Variants in PCDH9 observed in about 807,000 individuals in gnomAD.
PCDH9 encodes the protein protocadherin-9.
A neutral mutation model predicts 70.6 loss-of-function variants in PCDH9; 24 were observed. That is an observed-to-expected ratio of 0.34 (90% CI 0.25 to 0.48). The LOEUF is 0.48. Ranked by LOEUF, PCDH9 falls within the 20% of genes least tolerant of loss-of-function variation. The pLI is 0.99. For missense variants in PCDH9, 1,281 were observed against 1,503.6 expected (o/e 0.85, Z 2.45); for synonymous variants, 562 against 558.5 (o/e 1.01, Z -0.09).
intron 2 of PCDH9, among the ~76,000 whole-genome samples, chr13:67,028,069 G>T: frequency 6.6e-6 from 1 of 151,238 alleles, no homozygotes; most frequent in East Asian, 2.0e-4. Context: ...CCATTACTGA[G>T]TATATACCCA....
At chr13:66,514,082 A>T (rs1959616509) in intron 4 of PCDH9, among the ~76,000 whole-genome samples, 1 of 152,126 alleles carries the variant, frequency 6.6e-6, no homozygotes, top group Non-Finnish European at 1.5e-5. Flanking sequence ...ATGACTGGGT[A>T]GATGCAGACT....
intron 2 of PCDH9, chr13:67,220,056 A>T (rs2089690031): frequency 1.3e-5 from 2 of 151,826 alleles, no homozygotes; most frequent in Non-Finnish European, 2.9e-5. Flanking sequence ...TGGCCCTGAA[A>T]CCCTGTAAAC....
chr13:66,360,858 A>G (rs1437767835), intron 4 of PCDH9, among the ~76,000 whole-genome samples: 1 of 152,130 alleles, frequency 6.6e-6, no homozygotes, highest in Non-Finnish European at 1.5e-5. Flanking sequence ...CAGGAACTGA[A>G]TCTAAGCAAT....
chr13:66,467,273 G>A (rs775212320), intron 4 of PCDH9, among the ~76,000 whole-genome samples: 2 of 151,998 alleles, frequency 1.3e-5, no homozygotes, highest in Non-Finnish European at 2.9e-5. Context: ...ACGTTTAACA[G>A]AATGAAAAAG....
At chr13:66,537,170 T>C (rs1462791918) in intron 4 of PCDH9, among the ~76,000 whole-genome samples, 2 of 152,098 alleles carry the variant, frequency 1.3e-5, no homozygotes, top group African/African-American at 2.4e-5. Context: ...TCTGCCTCGA[T>C]GAGAACCACT....
intron 4 of PCDH9, among the ~76,000 whole-genome samples, chr13:66,379,528 A>G (rs562700956): frequency 4.5e-4 from 69 of 152,338 alleles, no homozygotes; most frequent in Admixed American, 9.2e-4. Flanking sequence ...TACACATGAC[A>G]GTTTCTTTGT....
intron 2 of PCDH9, among the ~76,000 whole-genome samples, chr13:67,082,967 T>C (rs1035552651): frequency 2.0e-5 from 3 of 152,162 alleles, no homozygotes; most frequent in Non-Finnish European, 1.5e-5. Flanking sequence ...GTATAAAGAA[T>C]ACTGGAATAC....
chr13:67,219,511 C>T (rs1335085566), intron 2 of PCDH9: 3 of 151,446 alleles, frequency 2.0e-5, no homozygotes, highest in South Asian at 2.1e-4. Flanking sequence ...ATTTGGGGGT[C>T]GCTGACTATG....
At chr13:66,455,474 AT>A (rs1383773920) in intron 4 of PCDH9, among the ~76,000 whole-genome samples, 2 of 152,108 alleles carry the variant, frequency 1.3e-5, no homozygotes, top group Non-Finnish European at 2.9e-5. Flanking sequence ...ACAAACTATT[AT>A]GTTTCACTCT....
At chr13:66,594,409 G>A (rs186147216) in intron 4 of PCDH9, among the ~76,000 whole-genome samples, 2 of 151,710 alleles carry the variant, frequency 1.3e-5, no homozygotes, top group African/African-American at 2.4e-5. Flanking sequence ...AAATATTGAT[G>A]AGCCCAGATT....
chr13:67,185,820 C>T (rs532470116), intron 2 of PCDH9, among the ~76,000 whole-genome samples: 39 of 152,310 alleles, frequency 2.6e-4, no homozygotes, highest in Middle Eastern at 6.8e-3. Context: ...GCAATCTCCG[C>T]CTCCCGGATT....
intron 3 of PCDH9, among the ~76,000 whole-genome samples, chr13:66,676,744 T>C (rs2078248634): frequency 6.6e-6 from 1 of 152,130 alleles, no homozygotes; most frequent in Admixed American, 6.6e-5. Flanking sequence ...AATTCAATTG[T>C]GTATTTAAAT....
intron 4 of PCDH9, among the ~76,000 whole-genome samples, chr13:66,315,129 C>A (rs915096812): frequency 2.0e-5 from 3 of 152,150 alleles, no homozygotes; most frequent in African/African-American, 7.2e-5. Context: ...GGCAGCCCCC[C>A]ACTGGGCAGC....
intron 3 of PCDH9, among the ~76,000 whole-genome samples, chr13:66,683,698 A>G (rs2078360394): frequency 1.3e-5 from 2 of 152,212 alleles, no homozygotes. Context: ...AAAGGCAGGA[A>G]ATTGTAGATC....
At chr13:66,882,756 A>G (rs1438209055) in intron 3 of PCDH9, among the ~76,000 whole-genome samples, 1 of 152,194 alleles carries the variant, frequency 6.6e-6, no homozygotes, top group Non-Finnish European at 1.5e-5. Context: ...AGTTAATGGG[A>G]AAGAAGTCCC....
chr13:66,587,377 G>C (rs2076977090), intron 4 of PCDH9, among the ~76,000 whole-genome samples: 1 of 151,512 alleles, frequency 6.6e-6, no homozygotes. Context: ...CAAACAAAAA[G>C]AACATCATAT....
intron 2 of PCDH9, among the ~76,000 whole-genome samples, chr13:66,987,852 CTA>C (rs1566343869): frequency 6.6e-6 from 1 of 151,790 alleles, no homozygotes; most frequent in Non-Finnish European, 1.5e-5. Context: ...CCATAAATAA[CTA>C]TTCAAAATAA....
At chr13:66,664,325 A>C (rs2078062554) in intron 3 of PCDH9, among the ~76,000 whole-genome samples, 1 of 152,206 alleles carries the variant, frequency 6.6e-6, no homozygotes, top group Non-Finnish European at 1.5e-5. Flanking sequence ...CAATGTCATC[A>C]GGTTAAGAGA....
chr13:66,411,205 T>C (rs1360164069), intron 4 of PCDH9, among the ~76,000 whole-genome samples: 1 of 152,218 alleles, frequency 6.6e-6, no homozygotes, highest in African/African-American at 2.4e-5. Context: ...ATTGGATGCA[T>C]TGGATAATCA....
Sources: gnomAD v4.1 joint callset for allele counts (sites outside exome capture counted in the v4.1 genomes callset) on GRCh38, gnomAD v4.1.1 for gene constraint, MANE v1.5 for transcripts, NCBI Gene and HGNC (gene_info 2026-07-23, HGNC 2026-07-21) for gene names.